The following NTRK2 variants were observed in gnomAD, a reference collection of about 807,000 sequenced individuals.
The protein encoded by NTRK2 is neurotrophic receptor tyrosine kinase 2.
Under a neutral mutation model 94.5 loss-of-function variants are expected in NTRK2, and 13 were observed. That is an observed-to-expected ratio of 0.14 (90% CI 0.09 to 0.22). NTRK2 has a LOEUF of 0.22. Ranked by LOEUF, NTRK2 falls within the 10% of genes least tolerant of loss-of-function variation. NTRK2 has a pLI of 1.00. For missense variants in NTRK2, 639 were observed against 1,071.2 expected, an observed-to-expected ratio of 0.60 and a Z score of 5.63; for synonymous variants, 372 against 407.4, an observed-to-expected ratio of 0.91 and a Z score of 1.05.
At chr9:84,726,365 T>TA (rs1409196979) in intron 8 of NTRK2, among the ~76,000 whole-genome samples, 1 of 152,140 alleles carries the variant, frequency 6.6e-6, no homozygotes, top group Non-Finnish European at 1.5e-5. Flanking sequence ...CAGGCGCCTG[T>TA]AATCCAAGCT....
chr9:84,989,690 G>A (rs556382599), intron 17 of NTRK2, among the ~76,000 whole-genome samples: 17 of 152,310 alleles, frequency 1.1e-4, no homozygotes, highest in Admixed American at 6.5e-5. Flanking sequence ...TCCAAAAGCC[G>A]CAGAGCAGAA....
intron 13 of NTRK2, among the ~76,000 whole-genome samples, chr9:84,861,693 C>A (rs1587719123): frequency 6.6e-6 from 1 of 152,234 alleles, no homozygotes; most frequent in East Asian, 1.9e-4. Flanking sequence ...GGTGTGATCT[C>A]TTGGGACCTC....
intron 14 of NTRK2, among the ~76,000 whole-genome samples, chr9:84,899,225 A>G (rs1187783666): frequency 6.6e-6 from 1 of 152,252 alleles, no homozygotes; most frequent in East Asian, 1.9e-4. Context: ...AAACAGGAGT[A>G]TTAATTTGCT....
chr9:84,850,668 T>C lies in NTRK2; in HGVS notation c.1397-10372T>C, dbSNP rs906332569. 4.6e-5 allele frequency among the ~76,000 whole-genome samples: 7 copies of C among 152,202 alleles called. 1 individual carries two copies. The South Asian group carries it at 6.2e-4, about 14-fold the overall frequency. ...AACTCAGAGACAGACTAAGTAATTATGGAGGTTATGTCAGGAAATAACGAA... is the reference window on the plus strand; with the variant it reads ...AACTCAGAGACAGACTAAGTAATTACGGAGGTTATGTCAGGAAATAACGAA... On this transcript the variant is annotated intron_variant, in intron 12 of 18. Transcript: ENST00000277120.
chr9:84,711,735 A>T (rs1176028144), intron 6 of NTRK2, among the ~76,000 whole-genome samples: 1 of 152,174 alleles, frequency 6.6e-6, no homozygotes, highest in Non-Finnish European at 1.5e-5. Flanking sequence ...TATTTAAGAA[A>T]AATGGAGCTG....
At chr9:84,727,999 G>T (rs768575030) in intron 9 of NTRK2, 40 bp downstream of exon 9, 3 of 1,581,726 alleles carry the variant, frequency 1.9e-6, no homozygotes, top group Non-Finnish European at 2.6e-6. Flanking sequence ...AGAAGATAAA[G>T]TCTATCATTC....
chr9:84,929,961 G>A (rs949219483), intron 14 of NTRK2, among the ~76,000 whole-genome samples: 1 of 152,200 alleles, frequency 6.6e-6, no homozygotes, highest in South Asian at 2.1e-4. Flanking sequence ...ACAGAGAAAG[G>A]AAGCATGTGA....
In NTRK2 at chr9:84,670,548, C is replaced by A. The variant is rs2058635612; in HGVS notation, c.-201C>A. 3 of 611,758 alleles carry A rather than the reference C, an allele frequency of 4.9e-6. No homozygotes were observed. Among genetic ancestry groups the A allele is most frequent in the Admixed American group, 2.8e-5 (1 of 35,612 alleles). The allele number at this position is 611,758 out of a possible 1,614,324, so 37.9% of individuals were successfully genotyped here. Reference sequence around the variant, plus strand: ...TGTAAAGCGGTTCGCTATGCCGGGGCCACTGTGAACCCTGCCGCCTGCCGG... The same window carrying A: ...TGTAAAGCGGTTCGCTATGCCGGGGACACTGTGAACCCTGCCGCCTGCCGG... On this transcript the variant is annotated 5_prime_UTR_variant, in exon 2 of 19. Transcript: ENST00000277120.
chr9:85,024,858 A>G lies in NTRK2; in HGVS notation c.*3421A>G, dbSNP rs998929964. ...TATAAAAGATTATATCAGAATTCAT[A>G]TTATACATGTGTTCACATCAGCGCT... On this transcript the variant is annotated 3_prime_UTR_variant, in exon 19 of 19. Transcript: ENST00000277120. 4.3e-6 allele frequency: 1 copy of G among 232,882 alleles called. No individual in the cohort carries two copies. Among genetic ancestry groups the G allele is most frequent in the Non-Finnish European group, 8.5e-6 (1 of 117,890 alleles). 14.4% of individuals were successfully genotyped at this position (232,882 alleles called of 1,614,324 possible). A position where few individuals can be genotyped will look rare whatever the true frequency, so the allele number is the denominator to read the frequency against.
At position 84,691,394 on chromosome 9, in the gene NTRK2, C is replaced by T. The variant is rs997878098; in HGVS notation, c.213-10765C>T. Among the ~76,000 whole-genome samples, 30 of 151,858 alleles carry T rather than the reference C, an allele frequency of 2.0e-4. 1 individual carries two copies. Among genetic ancestry groups the T allele is most frequent in the Admixed American group, 1.6e-3 (25 of 15,248 alleles). On this transcript the variant is annotated intron_variant, in intron 2 of 18. Transcript: ENST00000277120. ...AGGGCTGTAATTATAACAGATACAA[C>T]TCAGGATGTTAGACTCCCATTCCTA...
chr9:84,797,850 TTA>T (rs1189904721), intron 12 of NTRK2, among the ~76,000 whole-genome samples: 3 of 80,566 alleles, frequency 3.7e-5, no homozygotes, highest in Non-Finnish European at 7.0e-5. Flanking sequence ...ATATTATATA[TTA>T]TATATACTAT....
At chr9:84,838,501 A>C (rs972521324) in intron 12 of NTRK2, among the ~76,000 whole-genome samples, 4 of 152,164 alleles carry the variant, frequency 2.6e-5, no homozygotes, top group Non-Finnish European at 5.9e-5. Context: ...TTTTTTATGC[A>C]GTAAAAATGA....
At chr9:84,949,116 G>C (rs901448470) in intron 16 of NTRK2, among the ~76,000 whole-genome samples, 1 of 152,188 alleles carries the variant, frequency 6.6e-6, no homozygotes, top group African/African-American at 2.4e-5. Flanking sequence ...AGGCTGAAAG[G>C]GTGGGGCAGG....
chr9:84,848,306 C>T (rs1049459826), intron 12 of NTRK2, among the ~76,000 whole-genome samples: 18 of 152,102 alleles, frequency 1.2e-4, no homozygotes, highest in African/African-American at 2.2e-4. Flanking sequence ...AATGATAATC[C>T]GCAGCTGTGC....
At chr9:84,723,815 T>C in intron 7 of NTRK2, 106 bp downstream of exon 7, 2 of 1,463,840 alleles carry the variant, frequency 1.4e-6, no homozygotes, top group South Asian at 1.1e-5. Context: ...TAAGGCTACA[T>C]ATAGAAATTT....
intron 15 of NTRK2, among the ~76,000 whole-genome samples, chr9:84,947,575 G>A (rs1380747012): frequency 7.9e-5 from 12 of 152,240 alleles, no homozygotes; most frequent in African/African-American, 9.6e-5. Context: ...CATGGGTTTC[G>A]AGAGGAGTGT....
intron 12 of NTRK2, among the ~76,000 whole-genome samples, chr9:84,839,332 T>A (rs1463811726): frequency 6.6e-6 from 1 of 152,210 alleles, no homozygotes; most frequent in Non-Finnish European, 1.5e-5. Flanking sequence ...TCTGGTAAAA[T>A]GCAATATTGA....
At chr9:84,879,287 A>AATGGAT (rs1190348867) in intron 14 of NTRK2, among the ~76,000 whole-genome samples, 2 of 152,140 alleles carry the variant, frequency 1.3e-5, no homozygotes, top group Non-Finnish European at 2.9e-5. Flanking sequence ...CTAGGGGAAA[A>AATGGAT]ATGGATAAAA....
chr9:84,976,095 G>C (rs1205626527), intron 17 of NTRK2, among the ~76,000 whole-genome samples: 4 of 152,104 alleles, frequency 2.6e-5, no homozygotes, highest in African/African-American at 7.2e-5. Context: ...GGGGTCAAGG[G>C]GACAGTCCAA....
Sources: allele counts gnomAD v4.1 joint callset (sites outside exome capture counted in the v4.1 genomes callset), GRCh38; gene constraint gnomAD v4.1.1; transcripts MANE v1.5; gene names NCBI Gene and HGNC (gene_info 2026-07-23, HGNC 2026-07-21).